The following ADK variants were observed in gnomAD, a reference collection of about 807,000 sequenced individuals.
ADK encodes N6,N6-dimethyladenosine kinase.
Under a neutral mutation model 44.7 loss-of-function variants are expected in ADK, and 24 were observed. The ratio of observed to expected loss-of-function variants is 0.54; its 90% CI spans 0.39 to 0.76. The LOEUF (loss-of-function observed/expected upper bound fraction) is 0.76, where lower values mean the gene tolerates loss of function less well. Among genes scored for constraint, ADK ranks in the 30% least tolerant of loss-of-function variants. The pLI, the probability that ADK is intolerant of heterozygous loss-of-function variation, is 0.00. For missense variants in ADK, 321 were observed against 425.1 expected (o/e 0.76, Z 2.15); for synonymous variants, 128 against 142.6 (o/e 0.90, Z 0.73).
chr10:74,157,789 G>A (rs1036126808), intron 1 of ADK, among the ~76,000 whole-genome samples: 7 of 152,108 alleles, frequency 4.6e-5, no homozygotes, highest in African/African-American at 1.4e-4. Context: ...CTACTCAGGA[G>A]GCTGAGGCAG....
At chr10:74,477,774 A>C (rs1285788476) in intron 6 of ADK, among the ~76,000 whole-genome samples, 1 of 152,178 alleles carries the variant, frequency 6.6e-6, no homozygotes, top group Non-Finnish European at 1.5e-5. Flanking sequence ...TCTGTAACCA[A>C]ACATATTCTC....
intron 6 of ADK, among the ~76,000 whole-genome samples, chr10:74,484,010 G>T (rs555653341): frequency 6.6e-6 from 1 of 152,088 alleles, no homozygotes; most frequent in African/African-American, 2.4e-5. Flanking sequence ...CTGTTCCAAC[G>T]TTGCTTCCAC....
intron 3 of ADK, among the ~76,000 whole-genome samples, chr10:74,231,146 T>C (rs1844747254): frequency 6.6e-6 from 1 of 152,230 alleles, no homozygotes; most frequent in African/African-American, 2.4e-5. Flanking sequence ...AAGAATTAAT[T>C]ACTTCCAAAT....
rs1203540701 is a variant in ADK at position 74,398,503 on chromosome 10, G to T, written c.479G>T (p.Cys160Phe). Reference protein sequence around the residue: ...SLIANLAAANCYKKEKHLDLE... With the variant: ...SLIANLAAANFYKKEKHLDLE... ...ATAGCTAATCTTGCTGCTGCCAATT[G>T]TTATAAAAAGGAAAAACATCTTGAT... Residue 160 changes from cysteine to phenylalanine, a missense_variant, in exon 6 of 11, where the codon TGT (cysteine) becomes TTT (phenylalanine). Transcript: ENST00000539909. The T allele has an allele frequency of 2.5e-6, 4 of 1,611,552 alleles. No homozygotes were observed. The highest frequency in any genetic ancestry group is 3.4e-6 in the Non-Finnish European group (4 of 1,178,504).
chr10:74,266,265 A>T (rs1263419140), intron 3 of ADK, among the ~76,000 whole-genome samples: 2 of 152,072 alleles, frequency 1.3e-5, no homozygotes, highest in African/African-American at 4.8e-5. Context: ...CAGAATAGAA[A>T]GATCGAAAGG....
chr10:74,168,682 G>T (rs542409455), intron 1 of ADK, among the ~76,000 whole-genome samples: 1 of 151,368 alleles, frequency 6.6e-6, no homozygotes, highest in African/African-American at 2.4e-5. Flanking sequence ...GCATGACCTC[G>T]GCCCACTGCA....
intron 4 of ADK, among the ~76,000 whole-genome samples, chr10:74,391,726 A>G (rs1039240653): frequency 2.0e-5 from 3 of 151,446 alleles, no homozygotes; most frequent in Non-Finnish European, 4.4e-5. Context: ...AAACCATAAC[A>G]TTAACTCTAC....
intron 3 of ADK, among the ~76,000 whole-genome samples, chr10:74,284,807 G>C (rs1332465423): frequency 6.6e-6 from 1 of 152,140 alleles, no homozygotes; most frequent in East Asian, 1.9e-4. Flanking sequence ...GGTCCTAAAG[G>C]GTCTTTTGCA....
At chr10:74,363,221 T>A (rs1210009856) in intron 4 of ADK, among the ~76,000 whole-genome samples, 1 of 152,108 alleles carries the variant, frequency 6.6e-6, no homozygotes, top group Non-Finnish European at 1.5e-5. Context: ...TCCCAGCAAG[T>A]CCCTCCATAG....
chr10:74,216,613 T>C (rs1381679648), intron 2 of ADK, among the ~76,000 whole-genome samples: 1 of 151,542 alleles, frequency 6.6e-6, no homozygotes, highest in Non-Finnish European at 1.5e-5. Flanking sequence ...TAGTCCCAGC[T>C]ATTTTGGGGA....
intron 10 of ADK, among the ~76,000 whole-genome samples, chr10:74,676,218 C>A (rs1417312927): frequency 6.6e-6 from 1 of 152,154 alleles, no homozygotes; most frequent in East Asian, 1.9e-4. Flanking sequence ...CAACCTCTGC[C>A]TTTCAGGTTC....
At chr10:74,195,707 C>CTT (rs71475265) in intron 1 of ADK, among the ~76,000 whole-genome samples, 19,035 of 97,264 alleles carry the variant, frequency 0.2, 2,327 homozygotes, top group Non-Finnish European at 0.27. Context: ...TCTTTTCTTT[C>CTT]TTTTTTTTTT....
At chr10:74,280,885 A>G (rs1846909023) in intron 3 of ADK, among the ~76,000 whole-genome samples, 2 of 152,114 alleles carry the variant, frequency 1.3e-5, no homozygotes, top group South Asian at 4.1e-4. Context: ...AATTGTAGTT[A>G]TTTTGTCTTT....
intron 9 of ADK, among the ~76,000 whole-genome samples, chr10:74,622,460 T>A (rs980144576): frequency 3.3e-5 from 5 of 152,236 alleles, no homozygotes; most frequent in Non-Finnish European, 7.3e-5. Flanking sequence ...TGCCTTTTTA[T>A]GGTCTGGGAA....
At chr10:74,189,835 G>A (rs1203347454) in intron 1 of ADK, among the ~76,000 whole-genome samples, 1 of 151,584 alleles carries the variant, frequency 6.6e-6, no homozygotes, top group Non-Finnish European at 1.5e-5. Context: ...TTCCTAAGTG[G>A]AATCATATAA....
In ADK at chr10:74,151,256, C is replaced by A. The variant is rs1342469523; in HGVS notation, c.-23C>A. ...GGATGGCAGAGGTGGGCTGTAGAGC[C>A]AAAGTGGGGTGGGAGCGCGAAGATG... is the stretch of plus-strand genomic sequence containing the variant. On this transcript the variant is annotated 5_prime_UTR_variant, in exon 1 of 11. Transcript: ENST00000539909. The A allele has an allele frequency of 4.5e-6, 7 of 1,549,510 alleles. 1 individual carries two copies. Among genetic ancestry groups the A allele is most frequent in the African/African-American group, 1.4e-5 (1 of 73,024 alleles).
chr10:74,464,155 C>T (rs985387338), intron 6 of ADK, among the ~76,000 whole-genome samples: 5 of 151,814 alleles, frequency 3.3e-5, no homozygotes, highest in African/African-American at 9.7e-5. Flanking sequence ...TAAGACATAC[C>T]GTATACATGA....
chr10:74,508,020 G>A (rs758811444), intron 6 of ADK, among the ~76,000 whole-genome samples: 143 of 152,248 alleles, frequency 9.4e-4, no homozygotes, highest in Middle Eastern at 6.8e-3. Flanking sequence ...TTTATTTTGG[G>A]AGAAGCAAAT....
At chr10:74,238,681 A>C (rs1355171513) in intron 3 of ADK, among the ~76,000 whole-genome samples, 2 of 152,126 alleles carry the variant, frequency 1.3e-5, no homozygotes, top group Non-Finnish European at 2.9e-5. Flanking sequence ...GTCTCATGGG[A>C]AATATTGTTT....
Sources: gnomAD v4.1 joint callset for allele counts (sites outside exome capture counted in the v4.1 genomes callset) on GRCh38, gnomAD v4.1.1 for gene constraint, MANE v1.5 for transcripts, NCBI Gene and HGNC (gene_info 2026-07-23, HGNC 2026-07-21) for gene names.